RPRD1A: variants seen among roughly 807,000 people sequenced by gnomAD.
RPRD1A encodes regulation of nuclear pre-mRNA domain containing 1A.
In RPRD1A, 9 loss-of-function variants were observed where a neutral mutation model predicts 37.8. The ratio of observed to expected loss-of-function variants is 0.24; its 90% CI spans 0.14 to 0.42. RPRD1A has a LOEUF of 0.42. Among genes scored for constraint, RPRD1A ranks in the 10% least tolerant of loss-of-function variants. The probability of loss-of-function intolerance (pLI) is 1.00; values close to 1 mark genes in which losing one functional copy is unlikely to be tolerated. For synonymous variants in RPRD1A, 138 were observed against 139.7 expected (o/e 0.99, Z 0.08); for missense variants, 255 against 371.0 (o/e 0.69, Z 2.57).
intron 1 of RPRD1A, chr18:36,040,873 G>T: frequency 6.7e-7 from 1 of 1,493,902 alleles, no homozygotes; most frequent in Non-Finnish European, 8.9e-7. Context: ...ACTCTAAAAG[G>T]AAGCAATTAA....
At chr18:36,023,896 T>C (rs78691391) in intron 6 of RPRD1A, among the ~76,000 whole-genome samples, 3,143 of 152,334 alleles carry the variant, frequency 0.021, 53 homozygotes, top group Non-Finnish European at 0.028. Flanking sequence ...TAAAGTGTAA[T>C]TGTAATACTT....
intron 1 of RPRD1A, among the ~76,000 whole-genome samples, chr18:36,057,270 C>T (rs1293752963): frequency 6.6e-6 from 1 of 151,600 alleles, no homozygotes; most frequent in African/African-American, 2.4e-5. Context: ...CACACACACA[C>T]ATACACACAC....
rs923735549 is a variant in RPRD1A at position 35,990,903 on chromosome 18, G to A, written c.*2248C>T. 1.7e-4 allele frequency: 26 copies of A among 152,224 alleles called. No individual in the cohort carries two copies. Among genetic ancestry groups the A allele is most frequent in the Admixed American group, 1.5e-3 (23 of 15,290 alleles). The allele number at this position is 152,224 out of a possible 1,614,324, so 9.4% of individuals were successfully genotyped here. ...TGTATTGTCTGTGTTCAGTTAATAC[G>A]TTAACCAACAACTGAAGTTTGTGGA... On this transcript the variant is annotated 3_prime_UTR_variant, in exon 7 of 7. Coordinates refer to ENST00000399022, the MANE Select transcript of RPRD1A (RefSeq NM_018170.5).
intron 6 of RPRD1A, among the ~76,000 whole-genome samples, chr18:35,997,041 C>T (rs1909116877): frequency 6.7e-6 from 1 of 149,150 alleles, no homozygotes; most frequent in African/African-American, 2.5e-5. Context: ...TAATATATGG[C>T]CACTACAGCA....
intron 2 of RPRD1A, among the ~76,000 whole-genome samples, chr18:36,031,750 C>G (rs1911808672): frequency 6.6e-6 from 1 of 152,200 alleles, no homozygotes; most frequent in South Asian, 2.1e-4. Flanking sequence ...CTCTCCCAGC[C>G]TCTACTCTTT....
chr18:36,025,434 T>A, intron 6 of RPRD1A: 2 of 322,502 alleles, frequency 6.2e-6, no homozygotes, highest in Non-Finnish European at 6.0e-6. Flanking sequence ...GAAAAGGGGG[T>A]TGTGGGGAGT....
At chr18:36,037,914 G>A (rs1912312648) in intron 1 of RPRD1A, among the ~76,000 whole-genome samples, 1 of 152,200 alleles carries the variant, frequency 6.6e-6, no homozygotes, top group African/African-American at 2.4e-5. Context: ...AGGGTATCTG[G>A]TGGAAGAAAT....
At chr18:36,001,386 T>G (rs1284190984) in intron 6 of RPRD1A, among the ~76,000 whole-genome samples, 1 of 152,240 alleles carries the variant, frequency 6.6e-6, no homozygotes, top group Non-Finnish European at 1.5e-5. Context: ...TCTTTCCACA[T>G]GTACTCAAAT....
At chr18:36,055,816 A>ATT (rs1424521731) in intron 1 of RPRD1A, among the ~76,000 whole-genome samples, 1 of 152,194 alleles carries the variant, frequency 6.6e-6, no homozygotes, top group East Asian at 1.9e-4. Flanking sequence ...ACATGAAAAC[A>ATT]TAATAAAGAG....
intron 1 of RPRD1A, among the ~76,000 whole-genome samples, chr18:36,053,131 C>T (rs1312829170): frequency 6.6e-6 from 1 of 152,108 alleles, no homozygotes; most frequent in Non-Finnish European, 1.5e-5. Flanking sequence ...TATAAAAGCA[C>T]ACAGACACAT....
chr18:36,041,920 G>C (rs772397748), intron 1 of RPRD1A, among the ~76,000 whole-genome samples: 1 of 152,198 alleles, frequency 6.6e-6, no homozygotes, highest in Non-Finnish European at 1.5e-5. Context: ...CTGTACTACT[G>C]CCAGGAGGTC....
intron 4 of RPRD1A, among the ~76,000 whole-genome samples, chr18:36,029,496 C>A (rs1359925305): frequency 6.6e-6 from 1 of 152,084 alleles, no homozygotes; most frequent in Non-Finnish European, 1.5e-5. Flanking sequence ...CAATTTCTAA[C>A]CCATGAAAAT....
At chr18:36,060,563 G>A (rs545639797) in intron 1 of RPRD1A, among the ~76,000 whole-genome samples, 11 of 152,240 alleles carry the variant, frequency 7.2e-5, no homozygotes, top group African/African-American at 2.4e-4. Flanking sequence ...TAGTGAATAC[G>A]AATGTTAATT....
chr18:35,997,849 T>C (rs915673839), intron 6 of RPRD1A, among the ~76,000 whole-genome samples: 6 of 152,324 alleles, frequency 3.9e-5, no homozygotes, highest in Admixed American at 1.3e-4. Flanking sequence ...CCAGAAATTT[T>C]CCTCATACCA....
chr18:36,024,402 C>G lies in RPRD1A; in HGVS notation c.789+2498G>C, dbSNP rs933874291. Among the ~76,000 whole-genome samples, 3 of 151,452 alleles carry G rather than the reference C, an allele frequency of 2.0e-5. No homozygotes were observed. In the South Asian group the frequency reaches 6.3e-4, roughly 32 times the overall value. On this transcript the variant is annotated intron_variant, in intron 6 of 6. Coordinates refer to ENST00000399022, the MANE Select transcript of RPRD1A (RefSeq NM_018170.5). ...AACTCCTGACCTCAAGTGATTCACC[C>G]AGCTCAGCTTCCCAAAGTGCTGAGA...
At chr18:36,036,028 A>G (rs1264884287) in intron 1 of RPRD1A, among the ~76,000 whole-genome samples, 2 of 152,142 alleles carry the variant, frequency 1.3e-5, no homozygotes, top group South Asian at 2.1e-4. Flanking sequence ...TGTACTTAAC[A>G]CTACTGGACT....
At chr18:36,035,172 C>T (rs556043960) in intron 1 of RPRD1A, among the ~76,000 whole-genome samples, 1 of 152,270 alleles carries the variant, frequency 6.6e-6, no homozygotes, top group South Asian at 2.1e-4. Context: ...CATCCTTGCC[C>T]TCTCAATCCC....
At chr18:36,039,124 C>T (rs1912403085) in intron 1 of RPRD1A, among the ~76,000 whole-genome samples, 1 of 151,954 alleles carries the variant, frequency 6.6e-6, no homozygotes, top group Admixed American at 6.6e-5. Flanking sequence ...TTGGGAGGGG[C>T]CGGGGTGGAA....
At chr18:36,021,976 G>A (rs1911024866) in intron 6 of RPRD1A, among the ~76,000 whole-genome samples, 1 of 152,112 alleles carries the variant, frequency 6.6e-6, no homozygotes, top group East Asian at 1.9e-4. Flanking sequence ...ACTCAAGCCT[G>A]GACAAGAGTG....
Sources: gnomAD v4.1 joint callset for allele counts (sites outside exome capture counted in the v4.1 genomes callset) on GRCh38, gnomAD v4.1.1 for gene constraint, MANE v1.5 for transcripts, NCBI Gene and HGNC (gene_info 2026-07-23, HGNC 2026-07-21) for gene names.